PLCL2: variants seen among roughly 807,000 people sequenced by gnomAD.
PLCL2 encodes phospholipase C like 2.
In PLCL2, 4 loss-of-function variants were observed where a neutral mutation model predicts 79.6. The ratio of observed to expected loss-of-function variants is 0.05; its 90% CI spans 0.02 to 0.11. PLCL2 has a LOEUF of 0.11. PLCL2 is among the 10% of genes least tolerant of loss of function. PLCL2 has a pLI of 1.00. For missense variants in PLCL2, 895 were observed against 1,291.0 expected, an observed-to-expected ratio of 0.69 and a Z score of 4.70; for synonymous variants, 484 against 457.7, an observed-to-expected ratio of 1.06 and a Z score of -0.73.
At chr3:16,981,554 T>A (rs1454456340) in intron 1 of PLCL2, among the ~76,000 whole-genome samples, 1 of 152,262 alleles carries the variant, frequency 6.6e-6, no homozygotes, top group Non-Finnish European at 1.5e-5. Flanking sequence ...TGTTCTATCT[T>A]TGTGTACATA....
At chr3:17,048,419 A>C (rs1302889642) in intron 4 of PLCL2, among the ~76,000 whole-genome samples, 1 of 152,202 alleles carries the variant, frequency 6.6e-6, no homozygotes, top group Non-Finnish European at 1.5e-5. Flanking sequence ...AAATTTAAGA[A>C]AAAGGCCACA....
intron 3 of PLCL2, among the ~76,000 whole-genome samples, chr3:17,042,269 T>C (rs938790076): frequency 2.0e-5 from 3 of 152,124 alleles, no homozygotes; most frequent in Non-Finnish European, 4.4e-5. Context: ...TTCTTCAAGC[T>C]TGGGCTCTTA....
chr3:16,920,841 C>T (rs1472643210), intron 1 of PLCL2, among the ~76,000 whole-genome samples: 3 of 152,198 alleles, frequency 2.0e-5, no homozygotes, highest in Non-Finnish European at 4.4e-5. Context: ...TAATTTCTCG[C>T]ACCAAATCAT....
chr3:16,926,112 T>C (rs1040601427), intron 1 of PLCL2, among the ~76,000 whole-genome samples: 1 of 152,238 alleles, frequency 6.6e-6, no homozygotes, highest in African/African-American at 2.4e-5. Flanking sequence ...ATTATTATTT[T>C]TTTTGATCAG....
chr3:16,936,814 G>C (rs1697550701), intron 1 of PLCL2, among the ~76,000 whole-genome samples: 1 of 152,072 alleles, frequency 6.6e-6, no homozygotes, highest in South Asian at 2.1e-4. Flanking sequence ...AGGAAAAAAT[G>C]GGTATTGGAA....
intron 1 of PLCL2, among the ~76,000 whole-genome samples, chr3:16,913,047 C>G (rs1696918400): frequency 6.6e-6 from 1 of 152,164 alleles, no homozygotes; most frequent in Non-Finnish European, 1.5e-5. Flanking sequence ...TACAGCACTA[C>G]TTTGTGAAAT....
chr3:17,067,980 A>C lies in PLCL2; in HGVS notation c.3119A>C (p.His1040Pro). 6.2e-7 allele frequency: 1 copy of C among 1,609,864 alleles called. No homozygotes were observed. Among genetic ancestry groups the C allele is most frequent in the Non-Finnish European group, 8.5e-7 (1 of 1,177,068 alleles). ...KAAMEFHEHL[H>P]SIGTKEGLKE... Reference sequence around the variant, plus strand: ...GCCATGGAATTCCATGAACACTTGCACAGCATAGGCACCAAGGAAGGTTTG... The same window carrying C: ...GCCATGGAATTCCATGAACACTTGCCCAGCATAGGCACCAAGGAAGGTTTG... Residue 1040 changes from histidine to proline, a missense_variant, in exon 5 of 6, where the codon CAC (histidine) becomes CCC (proline). Coordinates refer to ENST00000615277, the MANE Select transcript of PLCL2 (RefSeq NM_001144382.2).
At chr3:16,958,669 C>T (rs1359818629) in intron 1 of PLCL2, among the ~76,000 whole-genome samples, 1 of 152,182 alleles carries the variant, frequency 6.6e-6, no homozygotes, top group Non-Finnish European at 1.5e-5. Context: ...AACTGCAAAC[C>T]TTCCACTTTT....
chr3:17,061,543 TTCA>T (rs145831791), intron 4 of PLCL2, among the ~76,000 whole-genome samples: 2,638 of 152,182 alleles, frequency 0.017, 83 homozygotes, highest in African/African-American at 0.06. Context: ...TTTTAAGCCC[TTCA>T]GGAAAAAACT....
At chr3:17,045,824 C>T (rs1162705751) in intron 4 of PLCL2, among the ~76,000 whole-genome samples, 1 of 152,128 alleles carries the variant, frequency 6.6e-6, no homozygotes, top group Non-Finnish European at 1.5e-5. Context: ...AAAGGCTCCT[C>T]GTCTGAGATA....
chr3:16,909,820 A>G (rs1696834421), intron 1 of PLCL2, among the ~76,000 whole-genome samples: 1 of 152,216 alleles, frequency 6.6e-6, no homozygotes, highest in Admixed American at 6.5e-5. Flanking sequence ...AGAAATTTAA[A>G]GATCGGGATG....
chr3:16,950,653 A>G (rs532433759), intron 1 of PLCL2, among the ~76,000 whole-genome samples: 4 of 151,898 alleles, frequency 2.6e-5, no homozygotes, highest in Non-Finnish European at 4.4e-5. Context: ...ATCATTAACT[A>G]AAAAGTTTAC....
chr3:17,060,774 G>A (rs1434864709), intron 4 of PLCL2, among the ~76,000 whole-genome samples: 2 of 152,026 alleles, frequency 1.3e-5, no homozygotes, highest in African/African-American at 4.8e-5. Flanking sequence ...GGTCCCAAAC[G>A]CACCTGTGTT....
At chr3:17,004,551 T>C (rs553265445) in intron 1 of PLCL2, among the ~76,000 whole-genome samples, 2 of 152,282 alleles carry the variant, frequency 1.3e-5, no homozygotes, top group Non-Finnish European at 2.9e-5. Context: ...CATTTTATTT[T>C]ATAAAATGAC....
At chr3:16,981,163 G>GGGAGAC (rs2063993122) in intron 1 of PLCL2, among the ~76,000 whole-genome samples, 1 of 151,810 alleles carries the variant, frequency 6.6e-6, no homozygotes, top group African/African-American at 2.4e-5. Context: ...GAGAGGGAGA[G>GGGAGAC]GGAGAGGCAA....
intron 1 of PLCL2, among the ~76,000 whole-genome samples, chr3:16,964,469 T>C (rs964031916): frequency 1.6e-4 from 25 of 152,160 alleles, no homozygotes; most frequent in South Asian, 4.1e-4. Context: ...TGAATAGTGC[T>C]GCAATAAAAA....
intron 1 of PLCL2, among the ~76,000 whole-genome samples, chr3:16,894,022 C>G (rs1002040917): frequency 3.3e-5 from 5 of 152,136 alleles, no homozygotes; most frequent in African/African-American, 1.2e-4. Flanking sequence ...TTGCTTTTGA[C>G]CAATTAGTGT....
intron 4 of PLCL2, among the ~76,000 whole-genome samples, chr3:17,050,942 A>G (rs568302054): frequency 1.3e-5 from 2 of 152,244 alleles, no homozygotes; most frequent in African/African-American, 2.4e-5. Context: ...ATACTTATAC[A>G]CAATGGAGTG....
intron 2 of PLCL2, among the ~76,000 whole-genome samples, chr3:17,012,433 G>T (rs1314701466): frequency 2.6e-5 from 4 of 152,120 alleles, no homozygotes; most frequent in African/African-American, 7.2e-5. Context: ...CTGCTGAACA[G>T]TTCCTTGTTT....
Sources: gnomAD v4.1 joint callset for allele counts (sites outside exome capture counted in the v4.1 genomes callset) on GRCh38, gnomAD v4.1.1 for gene constraint, MANE v1.5 for transcripts, NCBI Gene and HGNC (gene_info 2026-07-23, HGNC 2026-07-21) for gene names.